ABHD17C: variants seen among roughly 807,000 people sequenced by gnomAD.
ABHD17C encodes abhydrolase domain containing 17C, depalmitoylase.
A neutral mutation model predicts 27.9 loss-of-function variants in ABHD17C; 11 were observed. That is an observed-to-expected ratio of 0.39 (90% CI 0.25 to 0.65). The LOEUF (loss-of-function observed/expected upper bound fraction) is 0.65. Among genes scored for constraint, ABHD17C ranks in the 30% least tolerant of loss-of-function variants. ABHD17C has a pLI of 0.45. For missense variants in ABHD17C, 280 were observed against 470.2 expected, an observed-to-expected ratio of 0.60 and a Z score of 3.74; for synonymous variants, 233 against 209.1, an observed-to-expected ratio of 1.11 and a Z score of -0.98.
chr15:80,745,766 A>AC (rs1006859358), intron 1 of ABHD17C, among the ~76,000 whole-genome samples: 22 of 152,246 alleles, frequency 1.4e-4, no homozygotes, highest in African/African-American at 5.3e-4. Context: ...AACCGCCTGT[A>AC]CCCCCAAAAC....
At chr15:80,745,332 T>C (rs1489148858) in intron 1 of ABHD17C, among the ~76,000 whole-genome samples, 1 of 152,126 alleles carries the variant, frequency 6.6e-6, no homozygotes, top group Non-Finnish European at 1.5e-5. Flanking sequence ...GGTTTAAGTT[T>C]TTGTAAATGG....
At chr15:80,723,175 T>C (rs1411120076) in intron 1 of ABHD17C, among the ~76,000 whole-genome samples, 1 of 151,604 alleles carries the variant, frequency 6.6e-6, no homozygotes, top group Non-Finnish European at 1.5e-5. Context: ...TGTATCACAT[T>C]TGTCTGAATG....
rs117892461 is a variant in ABHD17C at position 80,737,248 on chromosome 15, G to A, written c.591-12265G>A. Among the ~76,000 whole-genome samples, 859 of 152,296 alleles carry A rather than the reference G, an allele frequency of 5.6e-3. 6 individuals are homozygous for A. Among genetic ancestry groups the A allele is most frequent in the Non-Finnish European group, 9.2e-3 (625 of 68,032 alleles). ...AAAAATTGGGAGACTTTAATTTCTT[G>A]TGCTCTGTTTTAAGAAAATCTTACA... On this transcript the variant is annotated intron_variant, in intron 1 of 2. Coordinates refer to ENST00000258884, the MANE Select transcript of ABHD17C (RefSeq NM_021214.2).
At chr15:80,720,338 C>T (rs1364274867) in intron 1 of ABHD17C, among the ~76,000 whole-genome samples, 1 of 151,884 alleles carries the variant, frequency 6.6e-6, no homozygotes, top group African/African-American at 2.4e-5. Context: ...TCTTGGTTCT[C>T]TTTCTAGTTT....
intron 1 of ABHD17C, among the ~76,000 whole-genome samples, chr15:80,704,003 G>A (rs1008175906): frequency 5.9e-5 from 9 of 152,174 alleles, no homozygotes; most frequent in Non-Finnish European, 1.2e-4. Context: ...ATACTATAAT[G>A]AAAGTTAAGT....
chr15:80,697,624 A>G (rs1894512326), intron 1 of ABHD17C, among the ~76,000 whole-genome samples: 1 of 149,010 alleles, frequency 6.7e-6, no homozygotes, highest in African/African-American at 2.5e-5. Context: ...ATTTCCTGGA[A>G]ACTTTTTTTT....
At chr15:80,718,450 C>T (rs1303774576) in intron 1 of ABHD17C, among the ~76,000 whole-genome samples, 13 of 151,994 alleles carry the variant, frequency 8.6e-5, no homozygotes, top group Non-Finnish European at 1.6e-4. Context: ...CTCCTGCCTC[C>T]GCCTCTGGAG....
At chr15:80,730,230 CCTTGAACCCTTTCCT>C (rs1397427997) in intron 1 of ABHD17C, among the ~76,000 whole-genome samples, 1 of 152,204 alleles carries the variant, frequency 6.6e-6, no homozygotes, top group African/African-American at 2.4e-5. Context: ...AACAACTCCA[CCTTGAACCCTTTCCT>C]TTGAACATCT....
chr15:80,731,988 A>G (rs1895063332), intron 1 of ABHD17C, among the ~76,000 whole-genome samples: 3 of 152,194 alleles, frequency 2.0e-5, no homozygotes, highest in African/African-American at 7.2e-5. Flanking sequence ...ATCTTCTCAA[A>G]CTGAGATTCT....
chr15:80,713,067 T>C (rs1462598347), intron 1 of ABHD17C, among the ~76,000 whole-genome samples: 1 of 152,136 alleles, frequency 6.6e-6, no homozygotes, highest in Non-Finnish European at 1.5e-5. Flanking sequence ...CCCAGCCTCT[T>C]ATTACTACTT....
At chr15:80,701,702 T>C (rs1001863774) in intron 1 of ABHD17C, among the ~76,000 whole-genome samples, 1 of 151,442 alleles carries the variant, frequency 6.6e-6, no homozygotes. Context: ...ACAAATGTTA[T>C]GAATACTGTT....
chr15:80,713,406 A>C (rs1026552291), intron 1 of ABHD17C, among the ~76,000 whole-genome samples: 1 of 139,846 alleles, frequency 7.2e-6, no homozygotes, highest in Non-Finnish European at 1.5e-5. Context: ...AGAAAGGAAA[A>C]CAGAAAGAAA....
At chr15:80,713,379 T>TTTTTTTTC in intron 1 of ABHD17C, among the ~76,000 whole-genome samples, 1 of 146,526 alleles carries the variant, frequency 6.8e-6, no homozygotes, top group South Asian at 2.3e-4. Flanking sequence ...TTTTTTTTTT[T>TTTTTTTTC]TTTCAAAATC....
At chr15:80,702,911 C>G (rs1009046249) in intron 1 of ABHD17C, 1 of 152,090 alleles carries the variant, frequency 6.6e-6, no homozygotes, top group African/African-American at 2.4e-5. Flanking sequence ...ACAAACAAAA[C>G]CTTTTAGAGT....
chr15:80,742,084 G>A (rs1490997966), intron 1 of ABHD17C, among the ~76,000 whole-genome samples: 1 of 152,192 alleles, frequency 6.6e-6, no homozygotes, highest in Admixed American at 6.5e-5. Flanking sequence ...TGAGCTGTAG[G>A]TAATTGAAAC....
intron 2 of ABHD17C, among the ~76,000 whole-genome samples, chr15:80,753,894 G>A (rs966960938): frequency 2.0e-5 from 3 of 152,304 alleles, no homozygotes; most frequent in African/African-American, 7.2e-5. Flanking sequence ...ATTGATAATT[G>A]GGGAGACTGT....
intron 1 of ABHD17C, among the ~76,000 whole-genome samples, chr15:80,739,046 C>T (rs1895171415): frequency 6.6e-6 from 1 of 152,014 alleles, no homozygotes; most frequent in Non-Finnish European, 1.5e-5. Context: ...AGAGGAGTGA[C>T]CAAAGGAAAC....
chr15:80,698,681 T>G (rs1008325621), intron 1 of ABHD17C, among the ~76,000 whole-genome samples: 2 of 152,254 alleles, frequency 1.3e-5, no homozygotes, highest in African/African-American at 4.8e-5. Flanking sequence ...ATGGTTCTTC[T>G]GCTCTTACTT....
intron 1 of ABHD17C, among the ~76,000 whole-genome samples, chr15:80,743,345 C>T (rs1041176674): frequency 6.6e-6 from 1 of 152,034 alleles, no homozygotes; most frequent in Admixed American, 6.5e-5. Flanking sequence ...CACCCACTAC[C>T]GGCTGTGTAT....
Sources: gnomAD v4.1 joint callset for allele counts (sites outside exome capture counted in the v4.1 genomes callset) on GRCh38, gnomAD v4.1.1 for gene constraint, MANE v1.5 for transcripts, NCBI Gene and HGNC (gene_info 2026-07-23, HGNC 2026-07-21) for gene names.